Variants in IKZF2 observed in about 807,000 individuals in gnomAD.
The protein encoded by IKZF2 is zinc finger protein Helios.
A neutral mutation model predicts 49.2 loss-of-function variants in IKZF2; 15 were observed. The ratio of observed to expected loss-of-function variants is 0.30; its 90% CI spans 0.20 to 0.47. The LOEUF (loss-of-function observed/expected upper bound fraction) is 0.47, where lower values mean the gene tolerates loss of function less well. Ranked by LOEUF, IKZF2 falls within the 20% of genes least tolerant of loss-of-function variation. The pLI is 1.00. For missense variants in IKZF2, 567 were observed against 664.6 expected (o/e 0.85, Z 1.61); for synonymous variants, 227 against 221.4 (o/e 1.03, Z -0.23).
chr2:213,046,169 C>T (rs897781643), intron 6 of IKZF2, among the ~76,000 whole-genome samples: 3 of 152,076 alleles, frequency 2.0e-5, no homozygotes, highest in Admixed American at 6.6e-5. Flanking sequence ...CCATAGGACT[C>T]GGAATGACAA....
intron 4 of IKZF2, among the ~76,000 whole-genome samples, chr2:213,085,135 T>A (rs1035892961): frequency 1.3e-5 from 2 of 152,218 alleles, no homozygotes; most frequent in African/African-American, 4.8e-5. Flanking sequence ...CTTCCCCAAG[T>A]CATCTTTCTC....
At chr2:213,083,164 G>A (rs1327992484) in intron 4 of IKZF2, among the ~76,000 whole-genome samples, 1 of 152,106 alleles carries the variant, frequency 6.6e-6, no homozygotes, top group Non-Finnish European at 1.5e-5. Context: ...AAAACACTCT[G>A]CTTTTGCAAT....
At chr2:213,124,915 T>C (rs1292068617) in intron 4 of IKZF2, among the ~76,000 whole-genome samples, 2 of 152,206 alleles carry the variant, frequency 1.3e-5, no homozygotes, top group African/African-American at 4.8e-5. Flanking sequence ...TTAAATGTAA[T>C]TAATTGTATA....
At position 213,008,216 on chromosome 2, in the gene IKZF2, T is replaced by G. The variant is rs937486850; in HGVS notation, c.857-132A>C. 4.5e-6 allele frequency: 5 copies of G among 1,102,558 alleles called. No homozygotes were observed. The African/African-American group carries it at 8.0e-5, about 18-fold the overall frequency. 68.3% of individuals were successfully genotyped at this position (1,102,558 alleles called of 1,614,324 possible). A position where few individuals can be genotyped will look rare whatever the true frequency, so the allele number is the denominator to read the frequency against. On this transcript the variant is annotated intron_variant, in intron 8 of 8. Coordinates refer to ENST00000434687, the MANE Select transcript of IKZF2 (RefSeq NM_001387220.1). ...TTTTTCATAATTTGGTATATATTAC[T>G]CTATAAGTCAAGTATTTGGGCAATT...
intron 7 of IKZF2, among the ~76,000 whole-genome samples, chr2:213,016,300 C>G (rs900505336): frequency 2.0e-5 from 3 of 152,100 alleles, no homozygotes; most frequent in Admixed American, 6.6e-5. Flanking sequence ...GGGTTTACAT[C>G]TAGTTAGTAG....
intron 4 of IKZF2, among the ~76,000 whole-genome samples, chr2:213,068,355 C>G (rs1452707277): frequency 1.3e-5 from 2 of 152,014 alleles, no homozygotes; most frequent in Non-Finnish European, 2.9e-5. Context: ...TCTATGTCAC[C>G]TGGAATTGTA....
intron 4 of IKZF2, among the ~76,000 whole-genome samples, chr2:213,118,301 G>A (rs2059940336): frequency 6.6e-6 from 1 of 152,140 alleles, no homozygotes; most frequent in Non-Finnish European, 1.5e-5. Context: ...TTCCATGGCA[G>A]AGGTTTGACA....
chr2:213,025,582 T>C (rs1697732736), intron 6 of IKZF2, among the ~76,000 whole-genome samples: 1 of 152,178 alleles, frequency 6.6e-6, no homozygotes, highest in South Asian at 2.1e-4. Flanking sequence ...CAATTTTAAA[T>C]TGATAATACA....
At chr2:213,020,379 A>C (rs1697073605) in intron 7 of IKZF2, among the ~76,000 whole-genome samples, 1 of 152,156 alleles carries the variant, frequency 6.6e-6, no homozygotes, top group Non-Finnish European at 1.5e-5. Context: ...CATTTATTAC[A>C]TATCCAGTCA....
intron 7 of IKZF2, 157 bp from the exon 8 acceptor site, chr2:213,014,091 A>C (rs1696291997): frequency 3.4e-6 from 2 of 586,936 alleles, no homozygotes; most frequent in Non-Finnish European, 5.9e-6. Context: ...TATACTCTTT[A>C]AATTTGCACA....
intron 5 of IKZF2, among the ~76,000 whole-genome samples, chr2:213,054,225 C>T (rs1353011998): frequency 6.6e-6 from 1 of 151,800 alleles, no homozygotes; most frequent in Non-Finnish European, 1.5e-5. Flanking sequence ...GCCTGGGCGA[C>T]AGAGCAAGAC....
intron 4 of IKZF2, among the ~76,000 whole-genome samples, chr2:213,084,245 G>A (rs1704307661): frequency 6.6e-6 from 1 of 152,106 alleles, no homozygotes; most frequent in Non-Finnish European, 1.5e-5. Flanking sequence ...CAGTTTCCCT[G>A]GAATGCTTCC....
chr2:213,006,784 T>C lies in IKZF2; in HGVS notation c.*576A>G, dbSNP rs1695379329. 1 of 153,478 alleles carries C rather than the reference T, an allele frequency of 6.5e-6. No individual in the cohort carries two copies. The highest frequency in any genetic ancestry group is 2.4e-5 in the African/African-American group (1 of 41,446). 9.5% of individuals were successfully genotyped at this position (153,478 alleles called of 1,614,324 possible). ...GTACAGTGTAAAACATACTGAATTA[T>C]AAATTCCATAGGGGAAGTAAACATA... On this transcript the variant is annotated 3_prime_UTR_variant, in exon 9 of 9. Transcript: ENST00000434687.
chr2:213,087,338 T>A lies in IKZF2; in HGVS notation c.140-30239A>T, dbSNP rs545953538. ...CTAATCACATTTATAATTCAGAAAGTTCCTCACACGTACGCATAAAATTCA... is the reference window on the plus strand; with the variant it reads ...CTAATCACATTTATAATTCAGAAAGATCCTCACACGTACGCATAAAATTCA... On this transcript the variant is annotated intron_variant, in intron 4 of 8. Coordinates refer to ENST00000434687, the MANE Select transcript of IKZF2 (RefSeq NM_001387220.1). 4.4e-4 allele frequency among the ~76,000 whole-genome samples: 67 copies of A among 152,280 alleles called. 1 individual carries two copies. In the South Asian group the frequency reaches 0.014, roughly 31 times the overall value.
intron 4 of IKZF2, among the ~76,000 whole-genome samples, chr2:213,080,171 T>C (rs1459671300): frequency 6.7e-6 from 1 of 148,560 alleles, no homozygotes; most frequent in Non-Finnish European, 1.5e-5. Context: ...ATTTAAAAAA[T>C]CTATATAGAG....
At chr2:213,011,816 C>T (rs1449236703) in intron 8 of IKZF2, among the ~76,000 whole-genome samples, 1 of 151,886 alleles carries the variant, frequency 6.6e-6, no homozygotes, top group African/African-American at 2.4e-5. Context: ...GGCTGGGGTG[C>T]ACATCTAGTG....
chr2:213,135,789 T>TGAAAA (rs549217035), intron 4 of IKZF2, among the ~76,000 whole-genome samples: 34 of 148,972 alleles, frequency 2.3e-4, no homozygotes, highest in Non-Finnish European at 3.7e-4. Context: ...AGACAAGAGA[T>TGAAAA]GAAAAGAAAA....
chr2:213,147,924 A>G (rs1349404018), intron 3 of IKZF2, 112 bp from the exon 4 acceptor site: 10 of 710,738 alleles, frequency 1.4e-5, no homozygotes, highest in Non-Finnish European at 2.2e-5. Flanking sequence ...CTGTAAGGTA[A>G]TACATTTTTC....
At chr2:213,130,631 A>G (rs2060444627) in intron 4 of IKZF2, among the ~76,000 whole-genome samples, 1 of 152,344 alleles carries the variant, frequency 6.6e-6, no homozygotes, top group South Asian at 2.1e-4. Flanking sequence ...TGATTACCAC[A>G]AACAGTTCTT....
Sources: gnomAD v4.1 joint callset for allele counts (sites outside exome capture counted in the v4.1 genomes callset) on GRCh38, gnomAD v4.1.1 for gene constraint, MANE v1.5 for transcripts, NCBI Gene and HGNC (gene_info 2026-07-23, HGNC 2026-07-21) for gene names.